Variants in CEP63 observed in about 807,000 individuals in gnomAD.
CEP63 encodes the protein centrosomal protein 63, also known as centrosomal protein of 63 kDa.
In CEP63, 84 loss-of-function variants were observed where a neutral mutation model predicts 89.1. That is an observed-to-expected ratio of 0.94 (90% CI 0.79 to 1.13). The LOEUF is 1.13. CEP63 is among the 50% of genes most tolerant of loss of function. The probability of loss-of-function intolerance (pLI) is 0.00; values close to 1 mark genes in which losing one functional copy is unlikely to be tolerated. For missense variants in CEP63, 838 were observed against 813.3 expected (o/e 1.03, Z -0.37); for synonymous variants, 267 against 272.5 (o/e 0.98, Z 0.20).
the CEP63 span, among the ~76,000 whole-genome samples, chr3:134,685,923 G>A: frequency 6.6e-6 from 1 of 152,190 alleles, no homozygotes; most frequent in Non-Finnish European, 1.5e-5. Flanking sequence ...CGTGTTTAGG[G>A]CCTACTCCAT....
intron 1 of CEP63, 71 bp downstream of exon 1, chr3:134,486,273 A>T: frequency 1.0e-6 from 1 of 985,580 alleles, no homozygotes; most frequent in Non-Finnish European, 1.2e-6. Context: ...TTGGAGGGGC[A>T]AGGGGCTGCC....
the CEP63 span, among the ~76,000 whole-genome samples, chr3:134,619,441 G>T: frequency 6.6e-6 from 1 of 152,230 alleles, no homozygotes; most frequent in African/African-American, 2.4e-5. Flanking sequence ...TGTGCAAGTG[G>T]TGAGAGGAAG....
the CEP63 span, among the ~76,000 whole-genome samples, chr3:134,694,637 C>T: frequency 1.3e-5 from 2 of 152,208 alleles, no homozygotes; most frequent in African/African-American, 4.8e-5. Context: ...AGCCAGATGC[C>T]AGGGGCTGCT....
the CEP63 span, among the ~76,000 whole-genome samples, chr3:134,634,057 CAT>C: frequency 2.0e-5 from 3 of 152,250 alleles, no homozygotes; most frequent in East Asian, 1.9e-4. Flanking sequence ...AAATCCCAAA[CAT>C]GTGCAATAAT....
At chr3:134,743,342 C>A in the CEP63 span, among the ~76,000 whole-genome samples, 1 of 152,170 alleles carries the variant, frequency 6.6e-6, no homozygotes, top group Admixed American at 6.5e-5. Context: ...CAGGGAACCT[C>A]CTTCAAAAAT....
rs750790137 is a variant in CEP63 at position 134,537,141 on chromosome 3, A to C, written c.442-14A>C. 6.5e-7 allele frequency: 1 copy of C among 1,545,626 alleles called. No individual in the cohort carries two copies. Among genetic ancestry groups the C allele is most frequent in the Admixed American group, 1.7e-5 (1 of 59,928 alleles). The stretch of plus-strand genomic sequence containing the variant: ...GAAGCACTCAGAAATTAAGTACTCT[A>C]ATTGCCTCCTCAGGAATTCCGTCAG... On this transcript the variant is annotated splice_polypyrimidine_tract_variant and intron_variant, in intron 5 of 14. Coordinates refer to ENST00000675561, the MANE Select transcript of CEP63 (RefSeq NM_001353108.3).
At chr3:134,546,710 G>T (rs973667025) in intron 8 of CEP63, among the ~76,000 whole-genome samples, 1 of 152,144 alleles carries the variant, frequency 6.6e-6, no homozygotes, top group African/African-American at 2.4e-5. Flanking sequence ...TCATATTGTG[G>T]ATTTTCTTAA....
rs754443767 is a variant in CEP63 at position 134,547,472 on chromosome 3, G to A, written c.1067G>A (p.Ser356Asn). ...GCAGAGGTGACTTGTCTTGAAGGCA[G>A]GTACATAATTATACACACATTTCAA... ...LQAEVTCLEGSLESVSATCKQ... is the reference protein window; with the variant it reads ...LQAEVTCLEGNLESVSATCKQ... The change falls in exon 9 of 15, where the codon AGT becomes AAT. Residue 356 changes from serine (S) to asparagine (N), a missense_variant and splice_region_variant. Transcript: ENST00000675561. 3 of 1,613,094 alleles carry A rather than the reference G, an allele frequency of 1.9e-6. No homozygotes were observed. In the Middle Eastern group the frequency reaches 4.9e-4, roughly 265 times the overall value.
the CEP63 span, among the ~76,000 whole-genome samples, chr3:134,644,820 T>G: frequency 6.6e-6 from 1 of 152,204 alleles, no homozygotes; most frequent in Non-Finnish European, 1.5e-5. Context: ...AAAGCCTGCC[T>G]CCTCCAGCCT....
At chr3:134,734,864 G>GT in the CEP63 span, among the ~76,000 whole-genome samples, 33 of 152,078 alleles carry the variant, frequency 2.2e-4, no homozygotes, top group Admixed American at 3.9e-4. Flanking sequence ...ACATTCATTC[G>GT]TCATTGTCCT....
chr3:134,750,139 C>A, the CEP63 span, among the ~76,000 whole-genome samples: 1 of 152,322 alleles, frequency 6.6e-6, no homozygotes, highest in African/African-American at 2.4e-5. Context: ...CCATTAATAT[C>A]CCCTGACCAA....
In CEP63 at chr3:134,532,835, A is replaced by G. The variant is rs1462461707; in HGVS notation, c.376A>G (p.Arg126Gly). The G allele has an allele frequency of 5.6e-6, 9 of 1,613,396 alleles. No homozygotes were observed. The South Asian group carries it at 7.7e-5, about 14-fold the overall frequency. Residue 126 changes from arginine to glycine, a missense_variant, in exon 5 of 15, where the codon AGA (arginine) becomes GGA (glycine). Physicochemically the swap from Arg to Gly is moderately radical, Grantham distance 125 (BLOSUM62 -2). Coordinates refer to ENST00000675561, the MANE Select transcript of CEP63 (RefSeq NM_001353108.3). ...TCAGAAAAAGCAAATGAGGGAATTC[A>G]GAGGAAATACCAAAAATCACAGGGA... ...KLQKKQMREF[R>G]GNTKNHREDR...
chr3:134,722,293 GTATTCTCCTATACTGTATATATACAGTA>G, the CEP63 span, among the ~76,000 whole-genome samples: 1 of 146,602 alleles, frequency 6.8e-6, no homozygotes, highest in Non-Finnish European at 1.5e-5. Context: ...ATACAGTACA[GTATTCTCCTATACTGTATATATACAGTA>G]CAGTATTCTC....
chr3:134,521,334 C>G (rs570935543), intron 3 of CEP63, among the ~76,000 whole-genome samples: 1 of 152,240 alleles, frequency 6.6e-6, no homozygotes, highest in East Asian at 1.9e-4. Flanking sequence ...CTTTTCTGTG[C>G]AAATATTTAC....
the CEP63 span, among the ~76,000 whole-genome samples, chr3:134,634,471 T>C: frequency 6.6e-6 from 1 of 152,292 alleles, no homozygotes; most frequent in South Asian, 2.1e-4. Flanking sequence ...TTTACAAAAG[T>C]GCAAAGACAA....
chr3:134,523,516 G>A (rs1947961224), intron 3 of CEP63, among the ~76,000 whole-genome samples: 1 of 152,106 alleles, frequency 6.6e-6, no homozygotes, highest in Non-Finnish European at 1.5e-5. Flanking sequence ...GTTTTTTATA[G>A]TTTTGGGCTT....
At chr3:134,556,955 G>C (rs571852744) in intron 12 of CEP63, among the ~76,000 whole-genome samples, 119 of 152,228 alleles carry the variant, frequency 7.8e-4, no homozygotes, top group Admixed American at 1.2e-3. Context: ...AGCAGTTTAA[G>C]CTTTCTCTAG....
At chr3:134,698,981 A>T in the CEP63 span, among the ~76,000 whole-genome samples, 1 of 152,138 alleles carries the variant, frequency 6.6e-6, no homozygotes, top group Non-Finnish European at 1.5e-5. Context: ...GCTGTACTTC[A>T]TTGGAGAGGA....
At chr3:134,500,732 T>C (rs1204136270) in intron 2 of CEP63, among the ~76,000 whole-genome samples, 1 of 152,226 alleles carries the variant, frequency 6.6e-6, no homozygotes, top group Non-Finnish European at 1.5e-5. Flanking sequence ...TTATGGATAT[T>C]AGCCCTTTGT....
Sources: allele counts gnomAD v4.1 joint callset (sites outside exome capture counted in the v4.1 genomes callset), GRCh38; gene constraint gnomAD v4.1.1; transcripts MANE v1.5; gene names NCBI Gene and HGNC (gene_info 2026-07-23, HGNC 2026-07-21).